CACNA1D: variants seen among roughly 807,000 people sequenced by gnomAD.
The protein encoded by CACNA1D is calcium voltage-gated channel subunit alpha1 D, also known as voltage-dependent L-type calcium channel subunit alpha-1D.
Under a neutral mutation model 257.1 loss-of-function variants are expected in CACNA1D, and 55 were observed. The observed-to-expected ratio is 0.21, with a 90% CI of 0.17 to 0.27. The LOEUF (loss-of-function observed/expected upper bound fraction) is 0.27. Ranked by LOEUF, CACNA1D falls within the 10% of genes least tolerant of loss-of-function variation. The pLI is 1.00. For synonymous variants in CACNA1D, 980 were observed against 1,014.9 expected (o/e 0.97, Z 0.65); for missense variants, 1,876 against 2,784.0 (o/e 0.67, Z 7.34).
chr3:53,800,315 G>A lies in CACNA1D; in HGVS notation c.4990G>A (p.Asp1664Asn). 1 of 1,614,090 alleles carries A rather than the reference G, an allele frequency of 6.2e-7. No homozygotes were observed. Among genetic ancestry groups the A allele is most frequent in the Non-Finnish European group, 8.5e-7 (1 of 1,179,892 alleles). Residue 1664 changes from aspartate to asparagine, a missense_variant, in exon 41 of 48, where the codon GAT (aspartate) becomes AAT (asparagine). This residue lies in a region of CACNA1D where 160 missense variants were observed against 236.6 expected (regional missense o/e 0.68). Coordinates refer to ENST00000350061, the MANE Select transcript of CACNA1D (RefSeq NM_001128840.3). This position sits in a 1 kb window ranked among gnomAD's most constrained non-coding sequence, Gnocchi z 4.3. ...GCGTGCTATATCGTGTGATTTGCAA[G>A]ATGACGAGCCTGAGGAAACAAAACG... Reference protein sequence around the residue: ...IRRAISCDLQDDEPEETKREE... With the variant: ...IRRAISCDLQNDEPEETKREE...
chr3:53,541,831 T>C (rs1037602317), intron 3 of CACNA1D, among the ~76,000 whole-genome samples: 1 of 152,094 alleles, frequency 6.6e-6, no homozygotes, highest in Non-Finnish European at 1.5e-5. Context: ...TATAACGGTC[T>C]TTTACCATAA....
chr3:53,618,152 C>T (rs768370076), intron 3 of CACNA1D, among the ~76,000 whole-genome samples: 3 of 152,126 alleles, frequency 2.0e-5, no homozygotes, highest in Non-Finnish European at 2.9e-5. Flanking sequence ...TTGGTAGACT[C>T]GACAGCTCCT....
intron 22 of CACNA1D, among the ~76,000 whole-genome samples, chr3:53,743,682 T>G (rs1026926669): frequency 2.0e-5 from 3 of 152,232 alleles, no homozygotes; most frequent in African/African-American, 7.2e-5. Flanking sequence ...CAGCCATTGC[T>G]GAGTACTGCT....
At chr3:53,648,092 T>C (rs1421758322) in intron 3 of CACNA1D, among the ~76,000 whole-genome samples, 1 of 152,222 alleles carries the variant, frequency 6.6e-6, no homozygotes, top group African/African-American at 2.4e-5. Flanking sequence ...TTGGGAGGTG[T>C]ACTGTCTGTT....
chr3:53,642,015 A>G (rs2093958438), intron 3 of CACNA1D, among the ~76,000 whole-genome samples: 1 of 152,208 alleles, frequency 6.6e-6, no homozygotes, highest in Non-Finnish European at 1.5e-5. Flanking sequence ...TTTGCAGGTG[A>G]CAAAAACTGA....
At chr3:53,705,560 G>A (rs537377176) in intron 9 of CACNA1D, among the ~76,000 whole-genome samples, 1 of 152,306 alleles carries the variant, frequency 6.6e-6, no homozygotes, top group South Asian at 2.1e-4. Context: ...TATTTCTGTG[G>A]TGCGCCCTTG....
intron 9 of CACNA1D, among the ~76,000 whole-genome samples, chr3:53,707,434 C>G (rs1438126081): frequency 1.3e-5 from 2 of 152,170 alleles, no homozygotes; most frequent in African/African-American, 4.8e-5. Flanking sequence ...GAGAGGCAAT[C>G]AGGCCTCTAA....
intron 8 of CACNA1D, among the ~76,000 whole-genome samples, chr3:53,686,044 G>A (rs2094471016): frequency 6.6e-6 from 1 of 152,034 alleles, no homozygotes; most frequent in African/African-American, 2.4e-5. Context: ...ATAAATGAAA[G>A]AGGAGATACC....
rs143535649 is a variant in CACNA1D at position 53,531,911 on chromosome 3, G to T, written c.483+30191G>T. ...GTGGTTAGAATTTGAGACAATGTAT[G>T]TTGCATGCCCAGCAGGTGGCAGGTA... On this transcript the variant is annotated intron_variant, in intron 3 of 47. Transcript: ENST00000350061. Among the ~76,000 whole-genome samples, 18 of 152,272 alleles carry T rather than the reference G, an allele frequency of 1.2e-4. No individual in the cohort carries two copies. The East Asian group carries it at 3.5e-3, about 29-fold the overall frequency.
intron 8 of CACNA1D, among the ~76,000 whole-genome samples, chr3:53,684,350 G>A (rs572446455): frequency 7.2e-5 from 11 of 152,266 alleles, no homozygotes; most frequent in African/African-American, 1.9e-4. Flanking sequence ...GGCCGGGCAC[G>A]GTGGCTTACA....
intron 20 of CACNA1D, among the ~76,000 whole-genome samples, chr3:53,736,222 T>C (rs760093801): frequency 1.1e-4 from 17 of 151,968 alleles, no homozygotes; most frequent in Non-Finnish European, 2.2e-4. Context: ...ATACCTGCAG[T>C]CCCAGCTACT....
At chr3:53,654,724 T>A (rs1324659619) in intron 4 of CACNA1D, among the ~76,000 whole-genome samples, 1 of 152,232 alleles carries the variant, frequency 6.6e-6, no homozygotes, top group Non-Finnish European at 1.5e-5. Flanking sequence ...TGACAAACCC[T>A]ATGGCCTGCA....
chr3:53,592,708 GTT>G (rs111929661), intron 3 of CACNA1D, among the ~76,000 whole-genome samples: 1 of 144,142 alleles, frequency 6.9e-6, no homozygotes. Context: ...CCCTAGTTCT[GTT>G]TTTTTTTTTT....
intron 29 of CACNA1D, among the ~76,000 whole-genome samples, chr3:53,755,139 G>A (rs967464681): frequency 2.0e-5 from 3 of 152,054 alleles, no homozygotes; most frequent in African/African-American, 7.2e-5. Flanking sequence ...TATTTGTCTG[G>A]ACTGATGGAA....
intron 3 of CACNA1D, among the ~76,000 whole-genome samples, chr3:53,632,091 T>TC (rs1443176851): frequency 1.3e-5 from 2 of 152,178 alleles, no homozygotes; most frequent in African/African-American, 2.4e-5. Context: ...AGCCAGGCAT[T>TC]CCCCTCTCTA....
intron 20 of CACNA1D, among the ~76,000 whole-genome samples, chr3:53,738,354 A>G (rs2108801715): frequency 6.6e-6 from 1 of 152,298 alleles, no homozygotes; most frequent in East Asian, 1.9e-4. Context: ...TGTTAGTGTC[A>G]ATATAAAGAG....
chr3:53,772,336 GACTTCACCTTAAGGAAAT>G (rs1260577968), intron 32 of CACNA1D, among the ~76,000 whole-genome samples: 1 of 152,150 alleles, frequency 6.6e-6, no homozygotes, highest in African/African-American at 2.4e-5. Flanking sequence ...CCACTCCTAA[GACTTCACCTTAAGGAAAT>G]ACTTCAGCAG....
intron 19 of CACNA1D, among the ~76,000 whole-genome samples, chr3:53,733,930 T>G (rs77688353): frequency 1.4e-4 from 19 of 134,028 alleles, no homozygotes; most frequent in South Asian, 2.3e-4. Flanking sequence ...GTGTGTGTGT[T>G]TGTGTGTGTG....
At chr3:53,808,945 T>A (rs1420248193) in intron 46 of CACNA1D, 175 bp downstream of exon 46, 2 of 687,704 alleles carry the variant, frequency 2.9e-6, no homozygotes, top group Non-Finnish European at 4.8e-6. Flanking sequence ...ATGAGTCCCA[T>A]GCTGCCCAAG....
Sources: allele counts gnomAD v4.1 joint callset (sites outside exome capture counted in the v4.1 genomes callset), GRCh38; gene constraint gnomAD v4.1.1; regional missense constraint gnomAD v4.1.1; non-coding constraint Gnocchi (gnomAD v3.1); transcripts MANE v1.5; gene names NCBI Gene and HGNC (gene_info 2026-07-23, HGNC 2026-07-21).